SYNDIG1L: variants seen among roughly 807,000 people sequenced by gnomAD.
The protein encoded by SYNDIG1L is synapse differentiation-inducing gene protein 1-like.
A neutral mutation model predicts 20.1 loss-of-function variants in SYNDIG1L; 13 were observed. That is an observed-to-expected ratio of 0.65 (90% confidence interval 0.42 to 1.03). SYNDIG1L has a LOEUF of 1.03. Ranked by LOEUF, SYNDIG1L falls within the 50% of genes least tolerant of loss-of-function variation. SYNDIG1L has a pLI of 0.00. For missense variants in SYNDIG1L, 294 were observed against 305.1 expected, an observed-to-expected ratio of 0.96 and a Z score of 0.27; for synonymous variants, 128 against 129.3, an observed-to-expected ratio of 0.99 and a Z score of 0.07.
the SYNDIG1L span, among the ~76,000 whole-genome samples, chr14:74,455,253 A>AG: frequency 6.6e-6 from 1 of 152,216 alleles, no homozygotes; most frequent in Non-Finnish European, 1.5e-5. Flanking sequence ...TGAAAGAACC[A>AG]GGGGAGGCCA....
chr14:74,407,283 C>T lies in SYNDIG1L; in HGVS notation c.*252G>A, dbSNP rs568191602. The T allele has an allele frequency of 9.6e-5, 55 of 571,744 alleles. No homozygotes were observed. The highest frequency in any genetic ancestry group is 8.9e-4 in the African/African-American group (47 of 52,774). 35.4% of individuals were successfully genotyped at this position (571,744 alleles called of 1,614,324 possible). On this transcript the variant is annotated 3_prime_UTR_variant, in exon 4 of 4. Coordinates refer to ENST00000331628, the MANE Select transcript of SYNDIG1L (RefSeq NM_001105579.2). ...CCTGCTGGGATGGCCTGGTGGGCAGCCCTGCCTTCTGTTTCCCGTCTGTAG... is the reference window on the plus strand; with the variant it reads ...CCTGCTGGGATGGCCTGGTGGGCAGTCCTGCCTTCTGTTTCCCGTCTGTAG...
At chr14:74,468,296 G>A in the SYNDIG1L span, among the ~76,000 whole-genome samples, 1 of 152,142 alleles carries the variant, frequency 6.6e-6, no homozygotes, top group East Asian at 1.9e-4. Flanking sequence ...TTTTGAAATA[G>A]TAGAACTGCT....
At chr14:74,430,209 A>C (rs2086292884), upstream of SYNDIG1L, among the ~76,000 whole-genome samples, 1 of 152,120 alleles carries the variant, frequency 6.6e-6, no homozygotes, top group African/African-American at 2.4e-5. Context: ...TCTGAACTCC[A>C]CCACTAACTC....
At chr14:74,430,015 A>T (rs2139636637), upstream of SYNDIG1L, among the ~76,000 whole-genome samples, 1 of 152,136 alleles carries the variant, frequency 6.6e-6, no homozygotes, top group African/African-American at 2.4e-5. Flanking sequence ...TTAGAAACAC[A>T]CTGATTCATG....
chr14:74,462,507 G>A, the SYNDIG1L span, among the ~76,000 whole-genome samples: 4 of 151,482 alleles, frequency 2.6e-5, no homozygotes, highest in East Asian at 7.9e-4. Flanking sequence ...AAGTAGGCTA[G>A]GCTAAGCTAT....
chr14:74,432,005 C>G, the SYNDIG1L span, among the ~76,000 whole-genome samples: 1 of 152,058 alleles, frequency 6.6e-6, no homozygotes, highest in Non-Finnish European at 1.5e-5. Flanking sequence ...GAGCACCACC[C>G]TGGGGGCTAG....
the SYNDIG1L span, among the ~76,000 whole-genome samples, chr14:74,477,608 G>A: frequency 2.0e-5 from 3 of 147,412 alleles, no homozygotes; most frequent in Non-Finnish European, 4.5e-5. Context: ...ATTACTCCAT[G>A]CTTGTTGCTT....
the SYNDIG1L span, among the ~76,000 whole-genome samples, chr14:74,467,954 G>A: frequency 7.2e-3 from 1,089 of 152,082 alleles, 10 homozygotes; most frequent in African/African-American, 0.023. Context: ...CCCAAGGTCC[G>A]GGGGGATCTA....
chr14:74,436,929 GC>G, the SYNDIG1L span, among the ~76,000 whole-genome samples: 1 of 150,734 alleles, frequency 6.6e-6, no homozygotes, highest in African/African-American at 2.4e-5. Context: ...TGGGCTGGAT[GC>G]CCCCTCTCTG....
chr14:74,455,661 C>T, the SYNDIG1L span, among the ~76,000 whole-genome samples: 1 of 152,210 alleles, frequency 6.6e-6, no homozygotes, highest in East Asian at 1.9e-4. Flanking sequence ...CTCAGGTGAT[C>T]TGCCTGCCTC....
At chr14:74,454,765 C>T in the SYNDIG1L span, among the ~76,000 whole-genome samples, 1 of 152,194 alleles carries the variant, frequency 6.6e-6, no homozygotes, top group African/African-American at 2.4e-5. Flanking sequence ...CAGAACCATC[C>T]GACCCTTCAG....
At chr14:74,435,635 C>A in the SYNDIG1L span, among the ~76,000 whole-genome samples, 386 of 152,264 alleles carry the variant, frequency 2.5e-3, 1 homozygote, top group African/African-American at 8.9e-3. Flanking sequence ...GGTAGGTAAC[C>A]CAGTAATAAG....
the SYNDIG1L span, among the ~76,000 whole-genome samples, chr14:74,435,072 G>C: frequency 7.3e-5 from 8 of 109,072 alleles, no homozygotes; most frequent in Non-Finnish European, 1.2e-4. Flanking sequence ...AACAGAGTGA[G>C]ACTCCGTCTC....
At chr14:74,440,351 T>C in the SYNDIG1L span, among the ~76,000 whole-genome samples, 2 of 151,924 alleles carry the variant, frequency 1.3e-5, no homozygotes, top group African/African-American at 4.8e-5. Flanking sequence ...CCGTCTCTAC[T>C]AAAAATACAA....
At chr14:74,438,259 A>C in the SYNDIG1L span, among the ~76,000 whole-genome samples, 1 of 152,186 alleles carries the variant, frequency 6.6e-6, no homozygotes, top group Non-Finnish European at 1.5e-5. Context: ...CCTCTTAATG[A>C]GTTCTCCTTA....
In SYNDIG1L at chr14:74,409,517, T is replaced by A. The variant is rs1394072264; in HGVS notation, c.228A>T (p.Arg76Ser). 7.5e-6 allele frequency: 12 copies of A among 1,604,862 alleles called. No individual in the cohort carries two copies. Among genetic ancestry groups the A allele is most frequent in the Non-Finnish European group, 1.0e-5 (12 of 1,175,918 alleles). The change falls in exon 2 of 4, where the codon AGA (arginine) becomes AGT (serine). Residue 76 changes from arginine to serine, a missense_variant. Transcript: ENST00000331628. Reference protein sequence around the residue: ...AWYRPSCLLGRDKVKEPRAGS... With the variant: ...AWYRPSCLLGSDKVKEPRAGS... ...CTGCCCTGGGCTCCTTGACCTTGTC[T>A]CTCCCCAGGAGGCAGCTGGGCCGGT...
chr14:74,414,072 C>T (rs1379411330), intron 1 of SYNDIG1L, among the ~76,000 whole-genome samples: 3 of 152,350 alleles, frequency 2.0e-5, no homozygotes, highest in Non-Finnish European at 2.9e-5. Context: ...GTCTGCCTCT[C>T]CCTGTTCACT....
At chr14:74,416,261 T>G (rs2086173859) in intron 1 of SYNDIG1L, among the ~76,000 whole-genome samples, 1 of 152,350 alleles carries the variant, frequency 6.6e-6, no homozygotes, top group East Asian at 1.9e-4. Context: ...TAGGACTACA[T>G]ATATTTCACA....
chr14:74,451,486 G>GA, the SYNDIG1L span, among the ~76,000 whole-genome samples: 419 of 152,118 alleles, frequency 2.8e-3, 1 homozygote, highest in African/African-American at 9.6e-3. Context: ...GATGACATTG[G>GA]AAAAAAATCT....
Sources: allele counts gnomAD v4.1 joint callset (sites outside exome capture counted in the v4.1 genomes callset), GRCh38; gene constraint gnomAD v4.1.1; transcripts MANE v1.5; gene names NCBI Gene and HGNC (gene_info 2026-07-23, HGNC 2026-07-21).